The following PRKCE variants were observed in gnomAD, a reference collection of about 807,000 sequenced individuals.
The protein encoded by PRKCE is protein kinase C epsilon type.
Under a neutral mutation model 85.4 loss-of-function variants are expected in PRKCE, and 16 were observed. That is an observed-to-expected ratio of 0.19 (90% CI 0.13 to 0.28). The LOEUF (loss-of-function observed/expected upper bound fraction) is 0.28, where lower values mean the gene tolerates loss of function less well. Ranked by LOEUF, PRKCE falls within the 10% of genes least tolerant of loss-of-function variation. PRKCE has a pLI of 1.00. For synonymous variants in PRKCE, 388 were observed against 371.5 expected (o/e 1.04, Z -0.51); for missense variants, 573 against 975.2 (o/e 0.59, Z 5.49).
chr2:45,943,968 A>C (rs1335639521), intron 2 of PRKCE, among the ~76,000 whole-genome samples: 4 of 152,206 alleles, frequency 2.6e-5, no homozygotes, highest in African/African-American at 9.7e-5. Flanking sequence ...CAGTTTTGGA[A>C]ACTGAGGCAT....
rs370515107 is a variant in PRKCE at position 46,043,413 on chromosome 2, A to AT, written c.1437+32904dup. On this transcript the variant is annotated intron_variant, in intron 10 of 14. Transcript: ENST00000306156. ...AGTCACACATACAGTAACTATTTCA[A>AT]TTTTTTTTAAGTAACATTTGAAATA... is the stretch of plus-strand genomic sequence containing the variant. Among the ~76,000 whole-genome samples the AT allele has an allele frequency of 2.6e-3, 402 of 152,178 alleles. 1 individual carries two copies. In the Middle Eastern group the frequency reaches 0.031, roughly 12 times the overall value.
chr2:45,762,594 G>A (rs965153141), intron 1 of PRKCE, among the ~76,000 whole-genome samples: 1 of 152,190 alleles, frequency 6.6e-6, no homozygotes, highest in Admixed American at 6.5e-5. Context: ...TGCCTGGGAA[G>A]GCAAGGAAGA....
chr2:45,694,577 G>A (rs1004819104), intron 1 of PRKCE, among the ~76,000 whole-genome samples: 1 of 152,224 alleles, frequency 6.6e-6, no homozygotes, highest in Non-Finnish European at 1.5e-5. Context: ...AATTCCCTGG[G>A]AAATGCATAT....
At chr2:45,861,379 T>C (rs916052934) in intron 2 of PRKCE, among the ~76,000 whole-genome samples, 7 of 152,166 alleles carry the variant, frequency 4.6e-5, no homozygotes, top group Admixed American at 1.3e-4. Flanking sequence ...ATATAATAGA[T>C]TGGGGGTAAA....
chr2:45,716,169 C>G (rs149090713), intron 1 of PRKCE, among the ~76,000 whole-genome samples: 3,403 of 152,284 alleles, frequency 0.022, 46 homozygotes, highest in Non-Finnish European at 0.037. Flanking sequence ...CTCCAGCTTT[C>G]AAATGTCAAG....
At chr2:45,951,970 T>A (rs1429436362) in intron 2 of PRKCE, among the ~76,000 whole-genome samples, 2 of 152,188 alleles carry the variant, frequency 1.3e-5, no homozygotes, top group African/African-American at 4.8e-5. Context: ...GTAGCTGGGA[T>A]TACAGGCATG....
intron 2 of PRKCE, among the ~76,000 whole-genome samples, chr2:45,934,708 T>A (rs569971628): frequency 6.6e-6 from 1 of 151,790 alleles, no homozygotes; most frequent in Admixed American, 6.6e-5. Flanking sequence ...CTAAAAAGAT[T>A]CCAAATTCAC....
intron 1 of PRKCE, among the ~76,000 whole-genome samples, chr2:45,740,815 T>C (rs1441981911): frequency 6.6e-6 from 1 of 152,216 alleles, no homozygotes; most frequent in Non-Finnish European, 1.5e-5. Context: ...CAGACCACAG[T>C]TGTTTGAAAG....
chr2:46,009,172 C>T (rs964390093), intron 9 of PRKCE, among the ~76,000 whole-genome samples: 8 of 152,276 alleles, frequency 5.3e-5, no homozygotes, highest in Middle Eastern at 3.4e-3. Flanking sequence ...ATCACGTTTC[C>T]AGCTTCAGAG....
intron 2 of PRKCE, among the ~76,000 whole-genome samples, chr2:45,893,577 A>T (rs939329367): frequency 6.6e-6 from 1 of 151,912 alleles, no homozygotes; most frequent in Admixed American, 6.5e-5. Context: ...CATGTTGGCC[A>T]GGCTGGTCTC....
intron 1 of PRKCE, among the ~76,000 whole-genome samples, chr2:45,775,130 G>A (rs908294988): frequency 5.9e-5 from 9 of 152,090 alleles, no homozygotes; most frequent in Non-Finnish European, 1.2e-4. Flanking sequence ...GGCACTTTAC[G>A]TAATTGCCCC....
At chr2:46,150,737 GT>G (rs1676540274) in intron 12 of PRKCE, among the ~76,000 whole-genome samples, 1 of 152,146 alleles carries the variant, frequency 6.6e-6, no homozygotes, top group African/African-American at 2.4e-5. Flanking sequence ...AAAATATGCA[GT>G]TTTTTAAAAT....
In PRKCE at chr2:45,763,837, A is replaced by G. The variant is rs531792806; in HGVS notation, c.349-79163A>G. On this transcript the variant is annotated intron_variant, in intron 1 of 14. Transcript: ENST00000306156. ...AGGGAAAAGTGACACACACCTTGTT[A>G]AAAGAATCCCAAGCCGAATTGAACA... is the stretch of plus-strand genomic sequence containing the variant. 1.1e-4 allele frequency among the ~76,000 whole-genome samples: 16 copies of G among 152,304 alleles called. No homozygotes were observed. The South Asian group carries it at 2.9e-3, about 28-fold the overall frequency.
At chr2:46,086,726 T>G (rs2103910413) in intron 11 of PRKCE, among the ~76,000 whole-genome samples, 2 of 152,284 alleles carry the variant, frequency 1.3e-5, no homozygotes, top group South Asian at 4.1e-4. Context: ...TGCCATGAAC[T>G]TCCTCCCCTT....
Position 45,935,093 on chromosome 2 carries a change from A to G in PRKCE, c.413-41336A>G, listed in dbSNP as rs149937742. 1.2e-3 allele frequency among the ~76,000 whole-genome samples: 185 copies of G among 151,976 alleles called. 2 individuals are homozygous for G. The highest frequency in any genetic ancestry group is 4.3e-3 in the African/African-American group (176 of 41,402). ...CACACACACACACACACACACACAC[A>G]TAGAAAATGGAAATGGAAATCATAG... is the stretch of plus-strand genomic sequence containing the variant. On this transcript the variant is annotated intron_variant, in intron 2 of 14. Transcript: ENST00000306156.
intron 1 of PRKCE, among the ~76,000 whole-genome samples, chr2:45,733,598 C>T (rs891696748): frequency 5.3e-5 from 8 of 152,112 alleles, no homozygotes; most frequent in African/African-American, 1.9e-4. Flanking sequence ...GCACTGGCCT[C>T]GTTGAGAGGG....
chr2:45,903,881 G>GTTTTTTT (rs34124689), intron 2 of PRKCE, among the ~76,000 whole-genome samples: 30 of 117,182 alleles, frequency 2.6e-4, no homozygotes, highest in African/African-American at 4.8e-4. Context: ...TAGCCTGGCA[G>GTTTTTTT]TTTTTTTTTG....
intron 3 of PRKCE, among the ~76,000 whole-genome samples, chr2:45,977,600 A>G (rs965553942): frequency 3.3e-5 from 5 of 151,552 alleles, no homozygotes; most frequent in South Asian, 2.1e-4. Context: ...TCGCTATACT[A>G]TACTCCAACC....
intron 2 of PRKCE, among the ~76,000 whole-genome samples, chr2:45,903,911 G>GTTTTT (rs1371845316): frequency 1.2e-4 from 10 of 83,630 alleles, no homozygotes; most frequent in African/African-American, 3.7e-4. Context: ...TTGTTTGTTT[G>GTTTTT]TTTGTTTTTT....
Sources: allele counts gnomAD v4.1 joint callset (sites outside exome capture counted in the v4.1 genomes callset), GRCh38; gene constraint gnomAD v4.1.1; transcripts MANE v1.5; gene names NCBI Gene and HGNC (gene_info 2026-07-23, HGNC 2026-07-21).